The following CFAP54 variants were observed in gnomAD, a reference collection of about 807,000 sequenced individuals.
CFAP54 encodes the protein cilia- and flagella-associated protein 54.
In CFAP54, 290 loss-of-function variants were observed where a neutral mutation model predicts 370.4. The ratio of observed to expected loss-of-function variants is 0.78; its 90% confidence interval spans 0.71 to 0.86. The LOEUF is 0.86. Ranked by LOEUF, CFAP54 falls within the 40% of genes least tolerant of loss-of-function variation. The pLI, the probability that CFAP54 is intolerant of heterozygous loss-of-function variation, is 0.00. For missense variants in CFAP54, 3,399 were observed against 3,528.7 expected, an observed-to-expected ratio of 0.96 and a Z score of 0.93; for synonymous variants, 1,206 against 1,236.5, an observed-to-expected ratio of 0.98 and a Z score of 0.52.
intron 30 of CFAP54, among the ~76,000 whole-genome samples, chr12:96,629,511 C>T (rs1956583121): frequency 6.6e-6 from 1 of 150,860 alleles, no homozygotes; most frequent in African/African-American, 2.4e-5. Context: ...GACAGGGTTT[C>T]ACCCTGTTAG....
intron 47 of CFAP54, 78 bp from the exon 48 acceptor site, chr12:96,708,530 A>T: frequency 7.8e-7 from 1 of 1,282,142 alleles, no homozygotes; most frequent in Non-Finnish European, 1.1e-6. Flanking sequence ...CCAAATGTGA[A>T]CTGCAAAAGA....
At position 96,743,645 on chromosome 12, in the gene CFAP54, C is replaced by CT. The variant is rs144607175; in HGVS notation, c.7378-85dup. ...AGAGAATTTCAAATTCCACTAGGTACTGAATGCATAACAATTAACATGTCC... is the reference window on the plus strand; with the variant it reads ...AGAGAATTTCAAATTCCACTAGGTACTTGAATGCATAACAATTAACATGTCC... On this transcript the variant is annotated intron_variant, in intron 53 of 67. Coordinates refer to ENST00000524981, the MANE Select transcript of CFAP54 (RefSeq NM_001306084.2). The CT allele has an allele frequency of 2.4e-4, 384 of 1,573,326 alleles. 3 individuals carry two copies. The East Asian group carries it at 5.5e-3, about 23-fold the overall frequency.
intron 65 of CFAP54, among the ~76,000 whole-genome samples, chr12:96,826,546 T>C (rs1396295241): frequency 1.1e-5 from 1 of 89,718 alleles, no homozygotes; most frequent in Non-Finnish European, 2.0e-5. Flanking sequence ...ATATATATAA[T>C]TTATATATAA....
At chr12:96,627,021 A>G in intron 30 of CFAP54, 82 bp downstream of exon 30, 1 of 1,049,484 alleles carries the variant, frequency 9.5e-7, no homozygotes, top group South Asian at 4.1e-5. Flanking sequence ...TATAAGGTAG[A>G]CGAAAAAGAG....
At chr12:96,663,974 C>G (rs753202464) in intron 39 of CFAP54, 42 bp downstream of exon 39, 2 of 1,440,422 alleles carry the variant, frequency 1.4e-6, no homozygotes, top group Non-Finnish European at 1.9e-6. Context: ...TTCTCTAAAT[C>G]GAGGTTTGCC....
chr12:96,823,708 G>GT (rs749237808), intron 65 of CFAP54, among the ~76,000 whole-genome samples: 1 of 152,010 alleles, frequency 6.6e-6, no homozygotes, highest in Non-Finnish European at 1.5e-5. Flanking sequence ...TTCCTCCTTC[G>GT]TGGCCTATAG....
intron 66 of CFAP54, among the ~76,000 whole-genome samples, chr12:96,839,828 G>A (rs1959200519): frequency 6.6e-6 from 1 of 152,174 alleles, no homozygotes; most frequent in Non-Finnish European, 1.5e-5. Context: ...TTGGCTGGGG[G>A]CTGAGAACAG....
chr12:96,642,580 T>C (rs1472454156), intron 32 of CFAP54, among the ~76,000 whole-genome samples: 3 of 152,180 alleles, frequency 2.0e-5, no homozygotes. Context: ...TCCGGAGTTT[T>C]CTCTTTTTCT....
rs147893650 is a variant in CFAP54 at position 96,605,514 on chromosome 12, G to A, written c.3639+6747G>A. On this transcript the variant is annotated intron_variant, in intron 26 of 67. Coordinates refer to ENST00000524981, the MANE Select transcript of CFAP54 (RefSeq NM_001306084.2). ...AACTGGAGAGGTGAATTCAGACTGT[G>A]CCAGTCAAGAGTGCTGTATCTGGAC... Among the ~76,000 whole-genome samples, 390 of 152,322 alleles carry A rather than the reference G, an allele frequency of 2.6e-3. 1 individual carries two copies. Among genetic ancestry groups the A allele is most frequent in the African/African-American group, 9.0e-3 (376 of 41,566 alleles).
intron 66 of CFAP54, among the ~76,000 whole-genome samples, chr12:96,848,807 T>C (rs1362064776): frequency 2.0e-5 from 3 of 152,234 alleles, no homozygotes; most frequent in African/African-American, 7.2e-5. Context: ...AACACAAAAG[T>C]TAGGGTGATG....
intron 67 of CFAP54, among the ~76,000 whole-genome samples, chr12:96,871,203 G>A (rs1017984493): frequency 1.3e-5 from 2 of 152,178 alleles, no homozygotes; most frequent in Non-Finnish European, 2.9e-5. Context: ...TAGCTGAAAG[G>A]CTCAAAGAAC....
At position 96,653,337 on chromosome 12, in the gene CFAP54, T is replaced by G. The variant is rs534608446; in HGVS notation, c.5100+1522T>G. Among the ~76,000 whole-genome samples, 36 of 152,318 alleles carry G rather than the reference T, an allele frequency of 2.4e-4. No homozygotes were observed. In the East Asian group the frequency reaches 6.9e-3, roughly 29 times the overall value. ...AGGTGGAATGGAAACAGAGCGTAAG[T>G]GCACATGATGTGTTCACTGAGATGG... On this transcript the variant is annotated intron_variant, in intron 36 of 67. Transcript: ENST00000524981.
At chr12:96,662,494 C>G (rs1046882767) in intron 38 of CFAP54, among the ~76,000 whole-genome samples, 3 of 152,152 alleles carry the variant, frequency 2.0e-5, no homozygotes, top group Non-Finnish European at 4.4e-5. Flanking sequence ...TGTGAACCAC[C>G]ACACCCAGCC....
intron 39 of CFAP54, among the ~76,000 whole-genome samples, chr12:96,667,654 T>C (rs1565935641): frequency 6.6e-6 from 1 of 152,178 alleles, no homozygotes; most frequent in Admixed American, 6.5e-5. Context: ...CCTTTTTCTC[T>C]GGTAGGCCTT....
intron 47 of CFAP54, among the ~76,000 whole-genome samples, chr12:96,706,426 A>T (rs982056632): frequency 6.6e-6 from 1 of 152,130 alleles, no homozygotes; most frequent in East Asian, 1.9e-4. Context: ...GAACAATCTA[A>T]AAAGAGGGAA....
Position 96,504,045 on chromosome 12 carries a change from A to G in CFAP54, c.567+16A>G, listed in dbSNP as rs1955062248. On this transcript the variant is annotated intron_variant, in intron 3 of 67. Transcript: ENST00000524981. ...TGGACTTACAGTAAGATGAAAGAGCAGCTGAAATAGCTACAATTTATGATT... is the reference window on the plus strand; with the variant it reads ...TGGACTTACAGTAAGATGAAAGAGCGGCTGAAATAGCTACAATTTATGATT... 1 of 1,489,302 alleles carries G rather than the reference A, an allele frequency of 6.7e-7. No homozygotes were observed. The highest frequency in any genetic ancestry group is 8.9e-7 in the Non-Finnish European group (1 of 1,129,766). The allele number at this position is 1,489,302 out of a possible 1,614,324, so 92.3% of individuals were successfully genotyped here. A position where few individuals can be genotyped will look rare whatever the true frequency, so the allele number is the denominator to read the frequency against.
chr12:96,740,250 T>TA (rs1010073912), intron 51 of CFAP54, among the ~76,000 whole-genome samples, 189 bp downstream of exon 51: 2 of 151,708 alleles, frequency 1.3e-5, no homozygotes, highest in Admixed American at 6.6e-5. Context: ...ATCTCTTAAT[T>TA]AAAAAAAAAT....
intron 65 of CFAP54, among the ~76,000 whole-genome samples, chr12:96,828,026 TA>T (rs1467030551): frequency 5.6e-5 from 7 of 125,940 alleles, no homozygotes; most frequent in African/African-American, 9.1e-5. Flanking sequence ...TAATACGTAT[TA>T]ATATATAATA....
At position 96,838,301 on chromosome 12, in the gene CFAP54, G is replaced by GA. The variant is rs200634400; in HGVS notation, c.9171+9224dup. On this transcript the variant is annotated intron_variant, in intron 66 of 67. Transcript: ENST00000524981. The stretch of plus-strand genomic sequence containing the variant: ...CAAAGACAAAGTAAGAGAGAAGTTA[G>GA]AAAAAAAAAAAGTCAACTCAGTTTA... 8.5e-3 allele frequency among the ~76,000 whole-genome samples: 1,225 copies of GA among 143,972 alleles called. 10 individuals are homozygous for GA. Among genetic ancestry groups the GA allele is most frequent in the African/African-American group, 0.021 (827 of 39,366 alleles). 94.5% of individuals were successfully genotyped at this position (143,972 alleles called of 152,430 possible).
Sources: gnomAD v4.1 joint callset for allele counts (sites outside exome capture counted in the v4.1 genomes callset) on GRCh38, gnomAD v4.1.1 for gene constraint, MANE v1.5 for transcripts, NCBI Gene and HGNC (gene_info 2026-07-23, HGNC 2026-07-21) for gene names.